The following KLRG1 variants were observed in gnomAD, a reference collection of about 807,000 sequenced individuals.
KLRG1 encodes the protein killer cell lectin-like receptor subfamily G member 1.
KLRG1 carries 16 observed loss-of-function variants against 21.8 expected under a neutral mutation model. The ratio of observed to expected loss-of-function variants is 0.73; its 90% CI spans 0.50 to 1.11. The LOEUF (loss-of-function observed/expected upper bound fraction) is 1.11. KLRG1 is among the 50% of genes most tolerant of loss of function. The probability of loss-of-function intolerance (pLI) is 0.00; values close to 1 mark genes in which losing one functional copy is unlikely to be tolerated. For missense variants in KLRG1, 173 were observed against 218.3 expected (o/e 0.79, Z 1.31); for synonymous variants, 69 against 75.9 (o/e 0.91, Z 0.47).
intron 1 of KLRG1, among the ~76,000 whole-genome samples, chr12:8,969,786 G>C (rs997252201): frequency 1.3e-5 from 2 of 152,102 alleles, no homozygotes; most frequent in African/African-American, 4.8e-5. Flanking sequence ...CAGGAATCAG[G>C]GAGGTAAAAT....
chr12:9,027,237 T>C, the KLRG1 span, among the ~76,000 whole-genome samples: 1 of 151,524 alleles, frequency 6.6e-6, no homozygotes, highest in Admixed American at 6.6e-5. Flanking sequence ...CTATTCCATT[T>C]AGCAATCAAC....
At chr12:9,103,181 A>G in the KLRG1 span, among the ~76,000 whole-genome samples, 2 of 152,238 alleles carry the variant, frequency 1.3e-5, no homozygotes, top group Non-Finnish European at 2.9e-5. Context: ...ATTGGCTTTT[A>G]TAGTAAAAGT....
intron 2 of KLRG1, among the ~76,000 whole-genome samples, 153 bp downstream of exon 2, chr12:8,992,463 G>A (rs1947001501): frequency 6.6e-6 from 1 of 152,128 alleles, no homozygotes; most frequent in South Asian, 2.1e-4. Flanking sequence ...TTGACCATGT[G>A]CACTTGTGTA....
At chr12:9,133,753 T>C in the KLRG1 span, among the ~76,000 whole-genome samples, 1 of 152,124 alleles carries the variant, frequency 6.6e-6, no homozygotes, top group Non-Finnish European at 1.5e-5. Flanking sequence ...TGCTGACACA[T>C]CATCACCAAA....
At chr12:9,139,645 A>T in the KLRG1 span, among the ~76,000 whole-genome samples, 1 of 152,216 alleles carries the variant, frequency 6.6e-6, no homozygotes, top group South Asian at 2.1e-4. Context: ...ATTGTTATAT[A>T]TTCCTGTTGA....
At chr12:9,201,073 A>G in the KLRG1 span, 1 of 1,613,564 alleles carries the variant, frequency 6.2e-7, no homozygotes. Flanking sequence ...GAAGGGAAAC[A>G]AGAAACATGG....
At chr12:9,075,208 A>AG in the KLRG1 span, among the ~76,000 whole-genome samples, 1 of 152,230 alleles carries the variant, frequency 6.6e-6, no homozygotes, top group African/African-American at 2.4e-5. Context: ...TTAAATTGAA[A>AG]AAAAAAATAC....
the KLRG1 span, chr12:9,160,984 A>G: frequency 1.5e-6 from 2 of 1,369,504 alleles, no homozygotes; most frequent in Non-Finnish European, 2.1e-6. Context: ...GATAAGATGT[A>G]CAGTGGCAAC....
chr12:8,966,448 G>A (rs1306103246), intron 1 of KLRG1, among the ~76,000 whole-genome samples: 2 of 151,774 alleles, frequency 1.3e-5, no homozygotes, highest in African/African-American at 2.4e-5. Context: ...ATCTGACAAA[G>A]GGCTAATATC....
chr12:9,091,028 A>G, the KLRG1 span, among the ~76,000 whole-genome samples: 1 of 152,198 alleles, frequency 6.6e-6, no homozygotes, highest in African/African-American at 2.4e-5. Context: ...AAGGGCTAGA[A>G]ACTTGCTTTA....
chr12:8,966,264 G>A (rs1356223989), intron 1 of KLRG1, among the ~76,000 whole-genome samples: 1 of 152,138 alleles, frequency 6.6e-6, no homozygotes, highest in Non-Finnish European at 1.5e-5. Context: ...ATACCATTCA[G>A]GACATAGGCA....
chr12:9,178,698 G>C, the KLRG1 span, among the ~76,000 whole-genome samples: 3 of 152,170 alleles, frequency 2.0e-5, no homozygotes, highest in African/African-American at 7.2e-5. Context: ...AGATGGAAAA[G>C]GCATTAAATT....
the KLRG1 span, chr12:9,160,437 A>G: frequency 5.0e-6 from 8 of 1,614,004 alleles, no homozygotes; most frequent in South Asian, 2.2e-5. Context: ...CCACAGCCAT[A>G]TGGCATCTGG....
chr12:9,203,319 G>T, the KLRG1 span, among the ~76,000 whole-genome samples: 1 of 148,276 alleles, frequency 6.7e-6, no homozygotes, highest in African/African-American at 2.5e-5. Flanking sequence ...AGTCCTTTCT[G>T]AAGTCCTAAC....
chr12:9,129,980 T>C, the KLRG1 span, among the ~76,000 whole-genome samples: 1 of 152,192 alleles, frequency 6.6e-6, no homozygotes, highest in Non-Finnish European at 1.5e-5. Flanking sequence ...ACTTCCCCTT[T>C]CTCCTCTTCT....
chr12:9,030,624 T>C, the KLRG1 span, among the ~76,000 whole-genome samples: 1 of 152,130 alleles, frequency 6.6e-6, no homozygotes, highest in African/African-American at 2.4e-5. Flanking sequence ...GCCAGACTGG[T>C]CTCGAACTCC....
chr12:9,186,187 T>C, the KLRG1 span, among the ~76,000 whole-genome samples: 1 of 152,136 alleles, frequency 6.6e-6, no homozygotes, highest in Admixed American at 6.5e-5. Flanking sequence ...AGAAATAAGA[T>C]GCTTCTCAGA....
chr12:9,149,110 G>C, the KLRG1 span: 1 of 899,298 alleles, frequency 1.1e-6, no homozygotes, highest in Non-Finnish European at 1.8e-6. Flanking sequence ...AAGGCCAGAT[G>C]GTAATTATTT....
the KLRG1 span, among the ~76,000 whole-genome samples, chr12:9,040,504 G>T: frequency 6.6e-6 from 1 of 152,182 alleles, no homozygotes; most frequent in Non-Finnish European, 1.5e-5. Context: ...AAATAGCAAT[G>T]ATATATTTGG....
Sources: allele counts gnomAD v4.1 joint callset (sites outside exome capture counted in the v4.1 genomes callset), GRCh38; gene constraint gnomAD v4.1.1; transcripts MANE v1.5; gene names NCBI Gene and HGNC (gene_info 2026-07-23, HGNC 2026-07-21).